CYCS: variants seen among roughly 807,000 people sequenced by gnomAD.
The protein encoded by CYCS is cytochrome c, somatic.
For missense variants in CYCS, 87 were observed against 125.3 expected, an observed-to-expected ratio of 0.69 and a Z score of 1.46; for synonymous variants, 41 against 43.0, an observed-to-expected ratio of 0.95 and a Z score of 0.18.
In CYCS at chr7:25,118,856, T is replaced by C. The variant is rs531521313; in HGVS notation, c.*4845A>G. ...TAAATGTTCATAGACACATACAACC[T>C]GCACTTTTACTCTTTGAGAAATGAA... On this transcript the variant is annotated 3_prime_UTR_variant, in exon 3 of 3. Coordinates refer to ENST00000305786, the MANE Select transcript of CYCS (RefSeq NM_018947.6). 2.6e-5 allele frequency among the ~76,000 whole-genome samples: 4 copies of C among 152,356 alleles called. No homozygotes were observed. In the South Asian group the frequency reaches 8.3e-4, roughly 32 times the overall value.
In CYCS at chr7:25,123,677, A is replaced by C; in HGVS notation, c.*24T>G. The C allele has an allele frequency of 3.8e-6, 6 of 1,592,382 alleles. No individual in the cohort carries two copies. The highest frequency in any genetic ancestry group is 5.1e-6 in the Non-Finnish European group (6 of 1,174,650). ...AAGTCATGAGACATTTCTGTTTTGT[A>C]ATAAATAAGGCAGTGGCCAATTATT... On this transcript the variant is annotated 3_prime_UTR_variant, in exon 3 of 3. Transcript: ENST00000305786.
rs1328764385 is a variant in CYCS, at chr7:25,120,647, A to C, written c.*3054T>G. The C allele has an allele frequency of 2.6e-5, 4 of 152,260 alleles. No homozygotes were observed. Among genetic ancestry groups the C allele is most frequent in the Non-Finnish European group, 4.4e-5 (3 of 68,044 alleles). 9.4% of individuals were successfully genotyped at this position (152,260 alleles called of 1,614,324 possible). ...ATTAGACAGCACTGTTCTAGACAAA[A>C]TAAGCATGTAGGTGGCATCTGAATA... On this transcript the variant is annotated 3_prime_UTR_variant, in exon 3 of 3. Coordinates refer to ENST00000305786, the MANE Select transcript of CYCS (RefSeq NM_018947.6).
rs1013024344 is a variant in CYCS at position 25,125,238 on chromosome 7, G to A, written c.-47C>T. ...CTGGCACAACGAACACTCCCGCTCC[G>A]AAGCCGGACGTCCCCACTCTCTAAG... is the stretch of plus-strand genomic sequence containing the variant. On this transcript the variant is annotated 5_prime_UTR_variant, in exon 1 of 3. Coordinates refer to ENST00000305786, the MANE Select transcript of CYCS (RefSeq NM_018947.6). The A allele has an allele frequency of 6.5e-6, 1 of 152,786 alleles. No homozygotes were observed. The highest frequency in any genetic ancestry group is 1.5e-5 in the Non-Finnish European group (1 of 68,166). 9.5% of individuals were successfully genotyped at this position (152,786 alleles called of 1,614,324 possible). A position where few individuals can be genotyped will look rare whatever the true frequency, so the allele number is the denominator to read the frequency against.
At chr7:25,123,883 C>G in intron 2 of CYCS, 34 bp from the exon 3 acceptor site, 2 of 1,614,178 alleles carry the variant, frequency 1.2e-6, no homozygotes, top group East Asian at 2.2e-5. Context: ...TTATTTCACA[C>G]TCCTGATAGT....
rs1391091538 is a variant in CYCS at position 25,121,610 on chromosome 7, CT to C, written c.*2090del. On this transcript the variant is annotated 3_prime_UTR_variant, in exon 3 of 3. Transcript: ENST00000305786. ...TAAGTTACTACTGGGCTGATTACTT[CT>C]GGGTTAAATAATAAGATTTCTGAAT... 1 of 152,108 alleles carries C rather than the reference CT, an allele frequency of 6.6e-6. No homozygotes were observed. The highest frequency in any genetic ancestry group is 1.5e-5 in the Non-Finnish European group (1 of 68,020). 9.4% of individuals were successfully genotyped at this position (152,108 alleles called of 1,614,324 possible).
Position 25,120,920 on chromosome 7 carries a change from T to A in CYCS, c.*2781A>T, listed in dbSNP as rs1783352316. On this transcript the variant is annotated 3_prime_UTR_variant, in exon 3 of 3. Transcript: ENST00000305786. ...CAGGTAGATCACCTGACGTCGGGAG[T>A]TCAAGACCAGCCTGTCCAGCATGGA... 3.3e-5 allele frequency: 5 copies of A among 149,750 alleles called. No homozygotes were observed. The highest frequency in any genetic ancestry group is 1.2e-4 in the African/African-American group (5 of 40,688). 9.3% of individuals were successfully genotyped at this position (149,750 alleles called of 1,614,324 possible). A position where few individuals can be genotyped will look rare whatever the true frequency, so the allele number is the denominator to read the frequency against.
At chr7:25,125,035 C>T (rs1339940598) in intron 1 of CYCS, 165 bp downstream of exon 1, 1 of 152,324 alleles carries the variant, frequency 6.6e-6, no homozygotes, top group African/African-American at 2.4e-5. Context: ...CAAGCCGTTA[C>T]TCGCCCAGCT....
intron 1 of CYCS, among the ~76,000 whole-genome samples, chr7:25,124,429 G>A (rs1285138602): frequency 2.0e-5 from 3 of 152,178 alleles, no homozygotes; most frequent in Non-Finnish European, 2.9e-5. Context: ...TGGTCACGAA[G>A]TCACAGATCT....
rs1287970432 is a variant in CYCS at position 25,119,120 on chromosome 7, CAA to C, written c.*4579_*4580del. Among the ~76,000 whole-genome samples, 2 of 152,166 alleles carry C rather than the reference CAA, an allele frequency of 1.3e-5. No individual in the cohort carries two copies. The highest frequency in any genetic ancestry group is 2.9e-5 in the Non-Finnish European group (2 of 68,034). The stretch of plus-strand genomic sequence containing the variant: ...GCCTAGAAGAGACTTATGTGGGAGA[CAA>C]AGTTTCTGGTCAGGTGTATTTGTAT... On this transcript the variant is annotated 3_prime_UTR_variant, in exon 3 of 3. Coordinates refer to ENST00000305786, the MANE Select transcript of CYCS (RefSeq NM_018947.6).
At position 25,123,530 on chromosome 7, in the gene CYCS, T is replaced by G. The variant is rs1783394183; in HGVS notation, c.*171A>C. The G allele has an allele frequency of 4.7e-6, 3 of 634,698 alleles. No individual in the cohort carries two copies. The highest frequency in any genetic ancestry group is 8.3e-6 in the Non-Finnish European group (3 of 362,510). The allele number at this position is 634,698 out of a possible 1,614,324, so 39.3% of individuals were successfully genotyped here. A position where few individuals can be genotyped will look rare whatever the true frequency, so the allele number is the denominator to read the frequency against. On this transcript the variant is annotated 3_prime_UTR_variant, in exon 3 of 3. Coordinates refer to ENST00000305786, the MANE Select transcript of CYCS (RefSeq NM_018947.6). ...ACTATTAAAATTCAAAAACTGAACA[T>G]ATTCATTTAACCACAAGCCAGTCTT... is the stretch of plus-strand genomic sequence containing the variant.
Position 25,119,981 on chromosome 7 carries a change from A to G in CYCS, c.*3720T>C, listed in dbSNP as rs1486559164. On this transcript the variant is annotated 3_prime_UTR_variant, in exon 3 of 3. Transcript: ENST00000305786. ...ACCACCAGAATGTTATCTATCTAAA[A>G]CTGCCAACTTACGAATAGGTAAAAC... 6.6e-6 allele frequency: 1 copy of G among 152,230 alleles called. No individual in the cohort carries two copies. Among genetic ancestry groups the G allele is most frequent in the Non-Finnish European group, 1.5e-5 (1 of 68,046 alleles). The allele number at this position is 152,230 out of a possible 1,614,324, so 9.4% of individuals were successfully genotyped here.
At chr7:25,124,359 CG>C (rs983708731) in intron 1 of CYCS, among the ~76,000 whole-genome samples, 8 of 152,022 alleles carry the variant, frequency 5.3e-5, no homozygotes, top group African/African-American at 1.9e-4. Flanking sequence ...CGTGAAGGAA[CG>C]TTAAAGCCCA....
In CYCS at chr7:25,120,796, G is replaced by C. The variant is rs1375192896; in HGVS notation, c.*2905C>G. On this transcript the variant is annotated 3_prime_UTR_variant, in exon 3 of 3. Coordinates refer to ENST00000305786, the MANE Select transcript of CYCS (RefSeq NM_018947.6). The stretch of plus-strand genomic sequence containing the variant: ...TTTCCCCTATTTCCTTATTTCTGAA[G>C]GTATATATCCCTGATAGAAATGTCC... 6.6e-6 allele frequency: 1 copy of C among 152,206 alleles called. No homozygotes were observed. The highest frequency in any genetic ancestry group is 1.5e-5 in the Non-Finnish European group (1 of 68,046). 9.4% of individuals were successfully genotyped at this position (152,206 alleles called of 1,614,324 possible).
intron 1 of CYCS, 105 bp from the exon 2 acceptor site, chr7:25,124,232 T>C: frequency 1.2e-6 from 1 of 825,970 alleles, no homozygotes; most frequent in Non-Finnish European, 2.0e-6. Context: ...TGCTAATTTA[T>C]GTCATTAAAT....
Position 25,124,008 on chromosome 7 carries a change from CAA to C in CYCS, c.110_111del (p.Phe37TrpfsTer17), listed in dbSNP as rs1466760278. On this transcript the variant is annotated frameshift_variant, in exon 2 of 3. Transcript: ENST00000305786. LOFTEE classifies it high-confidence loss of function. The part of the protein sequence containing the change: ...HKTGPNLHGL[F>X]GRKTGQAPGY... Reference sequence around the variant, plus strand: ...CCAGGGGCCTGACCTGTCTTCCGCCCAAAGAGACCATGGAGATTTGGCCCAGT... The same window carrying C: ...CCAGGGGCCTGACCTGTCTTCCGCCCAGAGACCATGGAGATTTGGCCCAGT... The C allele has an allele frequency of 3.7e-6, 6 of 1,614,008 alleles. No homozygotes were observed. The highest frequency in any genetic ancestry group is 5.1e-6 in the Non-Finnish European group (6 of 1,180,042).
chr7:25,122,392 A>C lies in CYCS; in HGVS notation c.*1309T>G, dbSNP rs1583394109. ...ATCTTCTCAGTCTTCTCACTGTCCC[A>C]CAAAGATACAGTTCTCAGCTGCACC... On this transcript the variant is annotated 3_prime_UTR_variant, in exon 3 of 3. Coordinates refer to ENST00000305786, the MANE Select transcript of CYCS (RefSeq NM_018947.6). The C allele has an allele frequency of 6.6e-6, 1 of 152,214 alleles. No homozygotes were observed. Among genetic ancestry groups the C allele is most frequent in the East Asian group, 1.9e-4 (1 of 5,202 alleles). 9.4% of individuals were successfully genotyped at this position (152,214 alleles called of 1,614,324 possible). A position where few individuals can be genotyped will look rare whatever the true frequency, so the allele number is the denominator to read the frequency against.
Position 25,119,614 on chromosome 7 carries a change from T to A in CYCS, c.*4087A>T, listed in dbSNP as rs1467248488. 2.1e-5 allele frequency among the ~76,000 whole-genome samples: 3 copies of A among 142,356 alleles called. No homozygotes were observed. The highest frequency in any genetic ancestry group is 4.6e-5 in the Non-Finnish European group (3 of 64,860). The allele number at this position is 142,356 out of a possible 152,430, so 93.4% of individuals were successfully genotyped here. A position where few individuals can be genotyped will look rare whatever the true frequency, so the allele number is the denominator to read the frequency against. On this transcript the variant is annotated 3_prime_UTR_variant, in exon 3 of 3. Transcript: ENST00000305786. The stretch of plus-strand genomic sequence containing the variant: ...TTTAAAAGAGATGGAGTTTCCTTTA[T>A]CTGTTGCCCAGGCTGGAGTGCAGTA...
At chr7:25,124,151 G>A in intron 1 of CYCS, 24 bp from the exon 2 acceptor site, 4 of 1,600,726 alleles carry the variant, frequency 2.5e-6, no homozygotes, top group Non-Finnish European at 3.4e-6. Flanking sequence ...CTTCAACTTA[G>A]TAAATTTTTC....
chr7:25,124,249 A>G, intron 1 of CYCS, 122 bp from the exon 2 acceptor site: 1 of 792,680 alleles, frequency 1.3e-6, no homozygotes, highest in African/African-American at 1.7e-5. Flanking sequence ...AAATACCAGA[A>G]TGAATCTTGT....
Sources: allele counts gnomAD v4.1 joint callset (sites outside exome capture counted in the v4.1 genomes callset), GRCh38; gene constraint gnomAD v4.1.1; transcripts MANE v1.5; gene names NCBI Gene and HGNC (gene_info 2026-07-23, HGNC 2026-07-21).